Variants in RIMBP2 observed in about 807,000 individuals in gnomAD.
RIMBP2 encodes the protein RIMS binding protein 2, also known as RIMS-binding protein 2.
A neutral mutation model predicts 118.6 loss-of-function variants in RIMBP2; 48 were observed. The ratio of observed to expected loss-of-function variants is 0.40; its 90% CI spans 0.32 to 0.51. The LOEUF (loss-of-function observed/expected upper bound fraction) is 0.51. Ranked by LOEUF, RIMBP2 falls within the 20% of genes least tolerant of loss-of-function variation. The pLI is 0.41. For missense variants in RIMBP2, 1,551 were observed against 1,768.3 expected (o/e 0.88, Z 2.20); for synonymous variants, 762 against 742.9 (o/e 1.03, Z -0.42).
In RIMBP2 at chr12:130,451,348, C is replaced by T. The variant is rs548638965; in HGVS notation, c.359-8G>A. The T allele has an allele frequency of 3.3e-5, 53 of 1,595,822 alleles. No individual in the cohort carries two copies. The highest frequency in any genetic ancestry group is 4.0e-5 in the Non-Finnish European group (47 of 1,167,544). On this transcript the variant is annotated splice_polypyrimidine_tract_variant and splice_region_variant and intron_variant, in intron 7 of 22. Coordinates refer to ENST00000690449, the MANE Select transcript of RIMBP2 (RefSeq NM_001393629.1). The stretch of plus-strand genomic sequence containing the variant: ...CAATAGCGCTCTCCTGACCTGGCCA[C>T]GAACATTAAAACAAGTTGAAACAAA...
chr12:130,588,752 T>G (rs777574643), intron 2 of RIMBP2, among the ~76,000 whole-genome samples: 3 of 152,244 alleles, frequency 2.0e-5, no homozygotes, highest in Non-Finnish European at 2.9e-5. Context: ...TCCTGTCATC[T>G]GTTGAACACA....
At chr12:130,522,642 T>A (rs2052263081) in intron 2 of RIMBP2, among the ~76,000 whole-genome samples, 1 of 151,932 alleles carries the variant, frequency 6.6e-6, no homozygotes, top group Non-Finnish European at 1.5e-5. Context: ...TTGTGCAGAG[T>A]CCAAGTGCAG....
chr12:130,447,783 C>T lies in RIMBP2; in HGVS notation c.581+2417G>A, dbSNP rs535242835. Among the ~76,000 whole-genome samples, 59 of 152,264 alleles carry T rather than the reference C, an allele frequency of 3.9e-4. 1 individual carries two copies. In the South Asian group the frequency reaches 6.0e-3, roughly 16 times the overall value. On this transcript the variant is annotated intron_variant, in intron 9 of 22. Coordinates refer to ENST00000690449, the MANE Select transcript of RIMBP2 (RefSeq NM_001393629.1). This position sits in a 1 kb window ranked among gnomAD's most constrained non-coding sequence, Gnocchi z 4.4. The stretch of plus-strand genomic sequence containing the variant: ...GGAGCCCTCAGCAAGGCGTTCCCCA[C>T]GGCGGAGGCTGCACCAGATGGAAGG...
At chr12:130,593,020 C>T (rs768360607) in intron 2 of RIMBP2, among the ~76,000 whole-genome samples, 3 of 152,198 alleles carry the variant, frequency 2.0e-5, no homozygotes, top group South Asian at 2.1e-4. Context: ...GCTCTGCTTC[C>T]GCTCGGATAG....
intron 2 of RIMBP2, among the ~76,000 whole-genome samples, chr12:130,565,227 T>G (rs2057126747): frequency 1.3e-5 from 2 of 152,132 alleles, no homozygotes; most frequent in African/African-American, 2.4e-5. Context: ...TGCCTATTAT[T>G]TAAAATAATT....
At chr12:130,567,055 A>C (rs1262302564) in intron 2 of RIMBP2, among the ~76,000 whole-genome samples, 1 of 152,202 alleles carries the variant, frequency 6.6e-6, no homozygotes, top group Non-Finnish European at 1.5e-5. Context: ...AAGATGAAAG[A>C]GGTGAAGGAA....
chr12:130,486,179 G>A (rs971979614), intron 4 of RIMBP2, among the ~76,000 whole-genome samples: 4 of 152,082 alleles, frequency 2.6e-5, no homozygotes, highest in African/African-American at 4.8e-5. Context: ...TAAGGCAGCC[G>A]AGGAGTCCCT....
At chr12:130,445,341 G>T (rs1330269667) in intron 9 of RIMBP2, 72 bp from the exon 10 acceptor site, 3 of 1,021,960 alleles carry the variant, frequency 2.9e-6, no homozygotes, top group Non-Finnish European at 4.3e-6. Context: ...CGTGCAGAAC[G>T]CCAGACGGGC....
In RIMBP2 at chr12:130,683,251, G is replaced by A. The variant is rs189743881; in HGVS notation, c.-352+32971C>T. Among the ~76,000 whole-genome samples, 125 of 152,288 alleles carry A rather than the reference G, an allele frequency of 8.2e-4. 1 individual carries two copies. In the South Asian group the frequency reaches 0.02, roughly 24 times the overall value. On this transcript the variant is annotated intron_variant, in intron 1 of 22. Transcript: ENST00000690449. The surrounding 1 kb of genome is among the most constrained non-coding windows in gnomAD (Gnocchi z 4.4). ...ACGGATGGCAGTGGAACCAGAGGTC[G>A]GAGTGATGTGGCCACAAGCCCAAGG... is the stretch of plus-strand genomic sequence containing the variant.
At chr12:130,492,532 T>A (rs2048739747) in intron 4 of RIMBP2, among the ~76,000 whole-genome samples, 1 of 152,192 alleles carries the variant, frequency 6.6e-6, no homozygotes, top group Non-Finnish European at 1.5e-5. Context: ...CCCTGATGAA[T>A]CCTAGAGATG....
chr12:130,680,029 G>A (rs369618843), intron 1 of RIMBP2, among the ~76,000 whole-genome samples: 6 of 152,288 alleles, frequency 3.9e-5, no homozygotes, highest in Admixed American at 6.5e-5. Context: ...CACCCACCGT[G>A]GGAAGGATCC....
At chr12:130,645,550 A>G (rs1594133381) in intron 1 of RIMBP2, among the ~76,000 whole-genome samples, 2 of 152,224 alleles carry the variant, frequency 1.3e-5, no homozygotes, top group East Asian at 3.9e-4. Flanking sequence ...GCCAGTTCAA[A>G]GTGAACTTTA....
Position 130,424,348 on chromosome 12 carries a change from C to T in RIMBP2, c.2923G>A (p.Gly975Arg), listed in dbSNP as rs954086302. 8.1e-6 allele frequency: 10 copies of T among 1,232,418 alleles called. No individual in the cohort carries two copies. Among genetic ancestry groups the T allele is most frequent in the Non-Finnish European group, 1.0e-5 (10 of 988,080 alleles). The allele number at this position is 1,232,418 out of a possible 1,614,324, so 76.3% of individuals were successfully genotyped here. The change falls in exon 16 of 23, where the codon GGG becomes AGG. Residue 975 changes from glycine (G) to arginine (R), a missense_variant. Physicochemically the swap from Gly to Arg is moderately radical, Grantham distance 125. Transcript: ENST00000690449. This position sits in a 1 kb window ranked among gnomAD's most constrained non-coding sequence, Gnocchi z 9.8. ...TRQSSVEEDF[G>R]EQVGPGGLLR... ...AGGCCACCAGGGCCCACCTGCTCCCCAAAGTCCTCCTCCACGCTGCTCTGC... is the reference window on the plus strand; with the variant it reads ...AGGCCACCAGGGCCCACCTGCTCCCTAAAGTCCTCCTCCACGCTGCTCTGC...
At chr12:130,545,190 A>T (rs959394820) in intron 2 of RIMBP2, among the ~76,000 whole-genome samples, 3 of 152,224 alleles carry the variant, frequency 2.0e-5, no homozygotes, top group African/African-American at 7.2e-5. Context: ...CCTCAAGGGC[A>T]GAACTTTCTC....
In RIMBP2 at chr12:130,702,360, T is replaced by C. The variant is rs543595393; in HGVS notation, c.-352+13862A>G. On this transcript the variant is annotated intron_variant, in intron 1 of 22. Coordinates refer to ENST00000690449, the MANE Select transcript of RIMBP2 (RefSeq NM_001393629.1). ...GGAGAAACCCCATCTTTACTAAAAA[T>C]ACAAAATTAACTGAGTGTGTTGGCA... is the stretch of plus-strand genomic sequence containing the variant. Among the ~76,000 whole-genome samples the C allele has an allele frequency of 3.3e-5, 5 of 151,822 alleles. No individual in the cohort carries two copies. The East Asian group carries it at 9.7e-4, about 30-fold the overall frequency.
chr12:130,485,694 C>A (rs1417388625), intron 4 of RIMBP2, among the ~76,000 whole-genome samples: 1 of 152,194 alleles, frequency 6.6e-6, no homozygotes, highest in Non-Finnish European at 1.5e-5. Context: ...ACCTTCCCTA[C>A]CAGGACTCGC....
intron 4 of RIMBP2, among the ~76,000 whole-genome samples, chr12:130,481,552 C>T (rs972823781): frequency 2.0e-5 from 3 of 152,192 alleles, no homozygotes; most frequent in Non-Finnish European, 4.4e-5. Flanking sequence ...CCCTGCACCC[C>T]CACAGACATC....
In RIMBP2 at chr12:130,446,458, C is replaced by T. The variant is rs946023762; in HGVS notation, c.582-1189G>A. Among the ~76,000 whole-genome samples, 3 of 152,202 alleles carry T rather than the reference C, an allele frequency of 2.0e-5. No homozygotes were observed. Among genetic ancestry groups the T allele is most frequent in the Admixed American group, 6.5e-5 (1 of 15,268 alleles). On this transcript the variant is annotated intron_variant, in intron 9 of 22. Transcript: ENST00000690449. The surrounding 1 kb of genome is among the most constrained non-coding windows in gnomAD (Gnocchi z 4.1). Reference sequence around the variant, plus strand: ...GGTGGAAGGGGAACCAGAGCTGAGACCTCCTGACCCGTCCTGCGCAGTTTT... The same window carrying T: ...GGTGGAAGGGGAACCAGAGCTGAGATCTCCTGACCCGTCCTGCGCAGTTTT...
intron 1 of RIMBP2, among the ~76,000 whole-genome samples, chr12:130,692,885 GTAGGGTAGGA>G (rs1268995992): frequency 0.021 from 1,873 of 91,356 alleles, 64 homozygotes; most frequent in African/African-American, 0.081. Context: ...GTAGGGTAGG[GTAGGGTAGGA>G]TAGGATAGGG....
Sources: allele counts gnomAD v4.1 joint callset (sites outside exome capture counted in the v4.1 genomes callset), GRCh38; gene constraint gnomAD v4.1.1; non-coding constraint Gnocchi (gnomAD v3.1); transcripts MANE v1.5; gene names NCBI Gene and HGNC (gene_info 2026-07-23, HGNC 2026-07-21).